DDR1: variants seen among roughly 807,000 people sequenced by gnomAD.
DDR1 encodes discoidin domain receptor tyrosine kinase 1.
In DDR1, 64 loss-of-function variants were observed where a neutral mutation model predicts 97.4. That is an observed-to-expected ratio of 0.66 (90% CI 0.54 to 0.81). The LOEUF (loss-of-function observed/expected upper bound fraction) is 0.81, where lower values mean the gene tolerates loss of function less well. Among genes scored for constraint, DDR1 ranks in the 30% least tolerant of loss-of-function variants. DDR1 has a pLI of 0.00. For synonymous variants in DDR1, 458 were observed against 503.7 expected, an observed-to-expected ratio of 0.91 and a Z score of 1.21; for missense variants, 990 against 1,259.6, an observed-to-expected ratio of 0.79 and a Z score of 3.24.
intron 1 of DDR1, chr6:30,885,778 G>T (rs938771411): frequency 7.7e-7 from 1 of 1,291,202 alleles, no homozygotes; most frequent in South Asian, 1.2e-5. Flanking sequence ...GTGTGTGCAT[G>T]CCACATTTAG....
chr6:30,892,867 C>G (rs1236080780), intron 8 of DDR1: 3 of 604,656 alleles, frequency 5.0e-6, no homozygotes, highest in African/African-American at 1.9e-5. Flanking sequence ...CTCCACCTCC[C>G]CACAATCCAG....
intron 12 of DDR1, 81 bp from the exon 13 acceptor site, chr6:30,896,540 G>A (rs541239593): frequency 5.0e-5 from 76 of 1,515,132 alleles, no homozygotes; most frequent in African/African-American, 9.8e-5. Context: ...AGGGCCCTCC[G>A]GGAGGCTGAG....
chr6:30,892,005 G>T lies in DDR1; in HGVS notation c.669G>T (p.Leu223=). Residue 223 remains leucine (L), a synonymous_variant, in exon 7 of 18, where the codon CTG becomes CTT. Transcript: ENST00000376568. The part of the protein sequence containing the change: ...STYDGHTVGG[L]QYGGLGQLAD... ...TCCTTGGTCCCCTCTTCTCCAGACTGCAGTATGGGGGTCTGGGCCAGCTGG... is the reference window on the plus strand; with the variant it reads ...TCCTTGGTCCCCTCTTCTCCAGACTTCAGTATGGGGGTCTGGGCCAGCTGG... 6.2e-7 allele frequency: 1 copy of T among 1,613,918 alleles called. No homozygotes were observed. Among genetic ancestry groups the T allele is most frequent in the Non-Finnish European group, 8.5e-7 (1 of 1,179,928 alleles).
chr6:30,889,443 G>T lies in DDR1; in HGVS notation c.417+13G>T. 3 of 1,499,696 alleles carry T rather than the reference G, an allele frequency of 2.0e-6. No individual in the cohort carries two copies. The highest frequency in any genetic ancestry group is 1.4e-5 in the African/African-American group (1 of 72,170). 92.9% of individuals were successfully genotyped at this position (1,499,696 alleles called of 1,614,324 possible). On this transcript the variant is annotated intron_variant, in intron 4 of 17. Transcript: ENST00000376568. This position sits in a 1 kb window ranked among gnomAD's most constrained non-coding sequence, Gnocchi z 4.9. ...CTGGGGTCAGGAGGTGAGACTGGCA[G>T]GGGCAGCACCCAGAGGAGGTTGGCT... is the stretch of plus-strand genomic sequence containing the variant.
At position 30,885,320 on chromosome 6, in the gene DDR1, G is replaced by A. The variant is rs1036925842; in HGVS notation, c.-43+610G>A. 4.1e-5 allele frequency: 60 copies of A among 1,477,474 alleles called. No individual in the cohort carries two copies. In the African/African-American group the frequency reaches 6.2e-4, roughly 15 times the overall value. 91.5% of individuals were successfully genotyped at this position (1,477,474 alleles called of 1,614,324 possible). Reference sequence around the variant, plus strand: ...GCGCTTCCAGCAGCCAGAGGCAGGCGCCCAAGCTCGCTGGCTGTTGCTGAG... The same window carrying A: ...GCGCTTCCAGCAGCCAGAGGCAGGCACCCAAGCTCGCTGGCTGTTGCTGAG... On this transcript the variant is annotated intron_variant, in intron 1 of 17. Transcript: ENST00000376568.
Position 30,897,050 on chromosome 6 carries a change from G to C in DDR1, c.1906G>C (p.Val636Leu). 1.2e-6 allele frequency: 2 copies of C among 1,613,732 alleles called. No individual in the cohort carries two copies. The highest frequency in any genetic ancestry group is 1.7e-6 in the Non-Finnish European group (2 of 1,179,886). Residue 636 changes from valine (V) to leucine (L), a missense_variant, in exon 14 of 18, where the codon GTT becomes CTT. Physicochemically the swap from Val to Leu is conservative, Grantham distance 32. Coordinates refer to ENST00000376568, the MANE Select transcript of DDR1 (RefSeq NM_001297654.2). The surrounding 1 kb of genome is among the most constrained non-coding windows in gnomAD (Gnocchi z 5.2). The part of the protein sequence containing the change: ...LCEVDSPQDL[V>L]SLDFPLNVRK... ...TGAGGTCGACAGCCCTCAAGATCTGGTTAGTCTTGATTTCCCCCTTAATGT... is the reference window on the plus strand; with the variant it reads ...TGAGGTCGACAGCCCTCAAGATCTGCTTAGTCTTGATTTCCCCCTTAATGT...
rs1001768892 is a variant in DDR1 at position 30,888,624 on chromosome 6, G to T, written c.-42-64G>T. 1.3e-6 allele frequency: 2 copies of T among 1,534,744 alleles called. No homozygotes were observed. The highest frequency in any genetic ancestry group is 1.4e-5 in the African/African-American group (1 of 72,816). ...ATCCCCAAAGCGGCCCATTCTGTCT[G>T]TTGCTGTCAGCTATGACTCAGTCCC... is the stretch of plus-strand genomic sequence containing the variant. On this transcript the variant is annotated intron_variant, in intron 1 of 17. Coordinates refer to ENST00000376568, the MANE Select transcript of DDR1 (RefSeq NM_001297654.2). The surrounding 1 kb of genome is among the most constrained non-coding windows in gnomAD (Gnocchi z 4.2).
Position 30,899,006 on chromosome 6 carries a change from C to A in DDR1, c.2570C>A (p.Ala857Glu), listed in dbSNP as rs764775490. ...ACCGACGAGCAGGTCATCGAGAACGCGGGGGAGTTCTTCCGGGACCAGGGC... is the reference window on the plus strand; with the variant it reads ...ACCGACGAGCAGGTCATCGAGAACGAGGGGGAGTTCTTCCGGGACCAGGGC... ...QLTDEQVIEN[A>E]GEFFRDQGRQ... is the part of the protein sequence containing the mutation. Residue 857 changes from alanine to glutamate, a missense_variant, in exon 17 of 18, where the codon GCG becomes GAG. Physicochemically the swap from Ala to Glu is moderately radical, Grantham distance 107. Coordinates refer to ENST00000376568, the MANE Select transcript of DDR1 (RefSeq NM_001297654.2). 2 of 1,613,856 alleles carry A rather than the reference C, an allele frequency of 1.2e-6. No individual in the cohort carries two copies. The highest frequency in any genetic ancestry group is 1.7e-6 in the Non-Finnish European group (2 of 1,179,902).
At position 30,891,960 on chromosome 6, in the gene DDR1, C is replaced by T. The variant is rs1181447144; in HGVS notation, c.666-42C>T. 6.2e-7 allele frequency: 1 copy of T among 1,608,102 alleles called. No homozygotes were observed. Among genetic ancestry groups the T allele is most frequent in the Non-Finnish European group, 8.5e-7 (1 of 1,176,066 alleles). ...CAGAATGCCTGGATGTCAAGACCCT[C>T]TTCCCTTCCAACCTCCTCTTCCTTG... is the stretch of plus-strand genomic sequence containing the variant. On this transcript the variant is annotated intron_variant, in intron 6 of 17. Transcript: ENST00000376568. This position sits in a 1 kb window ranked among gnomAD's most constrained non-coding sequence, Gnocchi z 5.3.
At chr6:30,892,739 T>A (rs1340564972) in intron 8 of DDR1, 197 bp downstream of exon 8, 3 of 680,394 alleles carry the variant, frequency 4.4e-6, no homozygotes, top group Non-Finnish European at 7.0e-6. Flanking sequence ...CTTTCCTTTG[T>A]AAGCCCCTTG....
Position 30,896,620 on chromosome 6 carries a change from G to A in DDR1, c.1625-1G>A. 6.2e-7 allele frequency: 1 copy of A among 1,612,948 alleles called. No individual in the cohort carries two copies. On this transcript the variant is annotated splice_acceptor_variant, in intron 12 of 17. Transcript: ENST00000376568. LOFTEE classifies it high-confidence loss of function. ...TGTCTTCTTTCCCCTCACCCCTGCAGCCTACAGTGGGGACTATATGGAGCC... is the reference window on the plus strand; with the variant it reads ...TGTCTTCTTTCCCCTCACCCCTGCAACCTACAGTGGGGACTATATGGAGCC...
In DDR1 at chr6:30,891,097, A is replaced by G; in HGVS notation, c.542A>G (p.Glu181Gly). 6.2e-7 allele frequency: 1 copy of G among 1,612,902 alleles called. No homozygotes were observed. The highest frequency in any genetic ancestry group is 1.3e-5 in the African/African-American group (1 of 74,986). Residue 181 changes from glutamate (E) to glycine (G), a missense_variant, in exon 5 of 18, where the codon GAG becomes GGG. Physicochemically the swap from Glu to Gly is moderately conservative, Grantham distance 98 (BLOSUM62 -2). Transcript: ENST00000376568. This position sits in a 1 kb window ranked among gnomAD's most constrained non-coding sequence, Gnocchi z 5.3. ...GTCATGAGCGTCTGTCTGCGGGTAG[A>G]GCTCTATGGCTGCCTCTGGAGGGGT... is the stretch of plus-strand genomic sequence containing the variant. ...DRVMSVCLRV[E>G]LYGCLWRDGL...
intron 12 of DDR1, among the ~76,000 whole-genome samples, chr6:30,896,100 G>A (rs1278147850): frequency 1.3e-5 from 2 of 151,620 alleles, no homozygotes; most frequent in Admixed American, 6.6e-5. Context: ...CTCTCTGTGT[G>A]CCTCTGTCTC....
chr6:30,883,543 TCTC>T (rs2150201712), upstream of DDR1: 1 of 153,836 alleles, frequency 6.5e-6, no homozygotes, highest in Admixed American at 6.5e-5. The surrounding 1 kb of genome is among the most constrained non-coding windows in gnomAD (Gnocchi z 4.9). Flanking sequence ...CCTCCATCCT[TCTC>T]CTGCTCCTCT....
chr6:30,889,298 C>T lies in DDR1; in HGVS notation c.285C>T (p.His95=), dbSNP rs1196348058. The change falls in exon 4 of 18, where the codon CAC becomes CAT. Residue 95 remains histidine (H), a synonymous_variant. Coordinates refer to ENST00000376568, the MANE Select transcript of DDR1 (RefSeq NM_001297654.2). This position sits in a 1 kb window ranked among gnomAD's most constrained non-coding sequence, Gnocchi z 4.9. The stretch of plus-strand genomic sequence containing the variant: ...TGCAGGTGGATCTACAACGACTGCA[C>T]CTGGTGGCTCTGGTGGGCACCCAGG... ...EYLQVDLQRL[H]LVALVGTQGR... 1 of 1,612,946 alleles carries T rather than the reference C, an allele frequency of 6.2e-7. No homozygotes were observed. The highest frequency in any genetic ancestry group is 1.1e-5 in the South Asian group (1 of 91,076).
rs749026262 is a variant in DDR1, at chr6:30,898,308, G to C, written c.2451+1G>C. The stretch of plus-strand genomic sequence containing the variant: ...GATGGCCTGGGAGTGCATCCTCATG[G>C]TGAGCAGCCCGAGGACAGCCAGGTT... On this transcript the variant is annotated splice_donor_variant, in intron 16 of 17. Transcript: ENST00000376568. LOFTEE classifies it high-confidence loss of function. 6.2e-7 allele frequency: 1 copy of C among 1,610,610 alleles called. No homozygotes were observed. Among genetic ancestry groups the C allele is most frequent in the Non-Finnish European group, 8.5e-7 (1 of 1,177,466 alleles).
At chr6:30,885,464 G>A in intron 1 of DDR1, 1 of 902,404 alleles carries the variant, frequency 1.1e-6, no homozygotes, top group East Asian at 2.7e-5. Flanking sequence ...GCGCCCACCT[G>A]TTCCCTGCCC....
At position 30,886,100 on chromosome 6, in the gene DDR1, C is replaced by T. The variant is rs990081384; in HGVS notation, c.-43+1390C>T. Among the ~76,000 whole-genome samples the T allele has an allele frequency of 3.9e-5, 6 of 152,082 alleles. No individual in the cohort carries two copies. The highest frequency in any genetic ancestry group is 1.4e-4 in the African/African-American group (6 of 41,402). Reference sequence around the variant, plus strand: ...CAGCCCAGACGTCTCTGTGCTTCTCCGTGTTCCTCTGCTTGGCTCTGTGCC... The same window carrying T: ...CAGCCCAGACGTCTCTGTGCTTCTCTGTGTTCCTCTGCTTGGCTCTGTGCC... On this transcript the variant is annotated intron_variant, in intron 1 of 17. Coordinates refer to ENST00000376568, the MANE Select transcript of DDR1 (RefSeq NM_001297654.2). The surrounding 1 kb of genome is among the most constrained non-coding windows in gnomAD (Gnocchi z 4.6).
Position 30,889,507 on chromosome 6 carries a change from G to A in DDR1, c.417+77G>A, listed in dbSNP as rs554470795. On this transcript the variant is annotated intron_variant, in intron 4 of 17. Coordinates refer to ENST00000376568, the MANE Select transcript of DDR1 (RefSeq NM_001297654.2). This position sits in a 1 kb window ranked among gnomAD's most constrained non-coding sequence, Gnocchi z 4.9. Reference sequence around the variant, plus strand: ...GCTGTACTTTAAACACCACCTATACGCTGACGACTCTCCAGTTTATATCAT... The same window carrying A: ...GCTGTACTTTAAACACCACCTATACACTGACGACTCTCCAGTTTATATCAT... The A allele has an allele frequency of 1.7e-5, 18 of 1,056,704 alleles. No individual in the cohort carries two copies. Among genetic ancestry groups the A allele is most frequent in the South Asian group, 1.5e-4 (9 of 59,006 alleles). 65.5% of individuals were successfully genotyped at this position (1,056,704 alleles called of 1,614,324 possible). A position where few individuals can be genotyped will look rare whatever the true frequency, so the allele number is the denominator to read the frequency against.
Sources: gnomAD v4.1 joint callset for allele counts (sites outside exome capture counted in the v4.1 genomes callset) on GRCh38, gnomAD v4.1.1 for gene constraint, Gnocchi (gnomAD v3.1) non-coding constraint, MANE v1.5 for transcripts, NCBI Gene and HGNC (gene_info 2026-07-23, HGNC 2026-07-21) for gene names.